The following TSPAN18 variants were observed in gnomAD, a reference collection of about 807,000 sequenced individuals.
The protein encoded by TSPAN18 is tetraspanin-18.
TSPAN18 carries 14 observed loss-of-function variants against 27.3 expected under a neutral mutation model. The ratio of observed to expected loss-of-function variants is 0.51; its 90% CI spans 0.34 to 0.80. TSPAN18 has a LOEUF of 0.80. Among genes scored for constraint, TSPAN18 ranks in the 30% least tolerant of loss-of-function variants. The probability of loss-of-function intolerance (pLI) is 0.01; values close to 1 mark genes in which losing one functional copy is unlikely to be tolerated. For missense variants in TSPAN18, 268 were observed against 323.9 expected, an observed-to-expected ratio of 0.83 and a Z score of 1.32; for synonymous variants, 143 against 136.5, an observed-to-expected ratio of 1.05 and a Z score of -0.33.
chr11:44,727,710 G>A (rs1854550212), intron 1 of TSPAN18, among the ~76,000 whole-genome samples: 2 of 152,180 alleles, frequency 1.3e-5, no homozygotes, highest in South Asian at 4.1e-4. Context: ...CAGGGACTGG[G>A]AGCGGCGATC....
intron 1 of TSPAN18, among the ~76,000 whole-genome samples, chr11:44,760,240 C>G (rs1855420931): frequency 6.6e-6 from 1 of 152,182 alleles, no homozygotes. Context: ...TGGGCTCACT[C>G]TGACAATGAA....
intron 3 of TSPAN18, among the ~76,000 whole-genome samples, chr11:44,888,200 G>A (rs1172451117): frequency 6.6e-6 from 1 of 152,134 alleles, no homozygotes; most frequent in Non-Finnish European, 1.5e-5. Context: ...CCCATCAGCC[G>A]GCAGGTGCCC....
intron 2 of TSPAN18, among the ~76,000 whole-genome samples, chr11:44,791,546 C>T (rs1230598520): frequency 6.6e-6 from 1 of 152,154 alleles, no homozygotes; most frequent in Non-Finnish European, 1.5e-5. Flanking sequence ...ATGCCACCCA[C>T]CCCGCCTCCT....
intron 2 of TSPAN18, among the ~76,000 whole-genome samples, chr11:44,804,461 A>G (rs1403761626): frequency 6.6e-6 from 1 of 152,220 alleles, no homozygotes; most frequent in East Asian, 1.9e-4. Flanking sequence ...CCCAGGATAC[A>G]GCACAGTCAG....
intron 5 of TSPAN18, among the ~76,000 whole-genome samples, chr11:44,910,781 C>G (rs1401479119): frequency 6.6e-6 from 1 of 152,162 alleles, no homozygotes; most frequent in Non-Finnish European, 1.5e-5. Flanking sequence ...ATGGTCCCTT[C>G]CCTCACAGAC....
At chr11:44,730,259 G>C (rs1322501216) in intron 1 of TSPAN18, among the ~76,000 whole-genome samples, 1 of 152,192 alleles carries the variant, frequency 6.6e-6, no homozygotes, top group Admixed American at 6.5e-5. Flanking sequence ...TCCCTGCTGG[G>C]AGCCCCATGT....
chr11:44,748,237 A>G (rs1855128682), intron 1 of TSPAN18, among the ~76,000 whole-genome samples: 4 of 152,158 alleles, frequency 2.6e-5, no homozygotes, highest in Admixed American at 2.6e-4. Flanking sequence ...GTGAAACACC[A>G]TCTTTACTAA....
chr11:44,811,125 A>AACACACACAC lies in TSPAN18; in HGVS notation c.-153+46654_-153+46663dup, dbSNP rs61153202. On this transcript the variant is annotated intron_variant, in intron 2 of 9. Transcript: ENST00000520358. Reference sequence around the variant, plus strand: ...ATCCCTAGTCAATAACTGGAGTTTTAACACACACACACACACACACACACA... The same window carrying AACACACACAC: ...ATCCCTAGTCAATAACTGGAGTTTTAACACACACACACACACACACACACACACACACACA... Among the ~76,000 whole-genome samples the AACACACACAC allele has an allele frequency of 8.9e-3, 1,275 of 142,524 alleles. 13 individuals are homozygous for AACACACACAC. The highest frequency in any genetic ancestry group is 0.018 in the African/African-American group (658 of 36,888). The allele number at this position is 142,524 out of a possible 152,430, so 93.5% of individuals were successfully genotyped here. A position where few individuals can be genotyped will look rare whatever the true frequency, so the allele number is the denominator to read the frequency against.
At chr11:44,826,464 T>G (rs1245400326) in intron 2 of TSPAN18, among the ~76,000 whole-genome samples, 1 of 152,162 alleles carries the variant, frequency 6.6e-6, no homozygotes, top group African/African-American at 2.4e-5. Flanking sequence ...TGCCTGTACA[T>G]GAAGGGTGGA....
intron 3 of TSPAN18, among the ~76,000 whole-genome samples, chr11:44,863,035 A>G (rs1488542316): frequency 1.3e-5 from 2 of 152,204 alleles, no homozygotes. Flanking sequence ...CAGAGGCCAG[A>G]TTTTTAAGGG....
intron 2 of TSPAN18, among the ~76,000 whole-genome samples, chr11:44,780,040 C>T (rs1282760730): frequency 1.3e-5 from 2 of 152,248 alleles, no homozygotes; most frequent in Non-Finnish European, 2.9e-5. Context: ...CACCTGTACA[C>T]ATTTACACAT....
chr11:44,757,980 G>A (rs1855370211), intron 1 of TSPAN18, among the ~76,000 whole-genome samples: 1 of 152,006 alleles, frequency 6.6e-6, no homozygotes, highest in Non-Finnish European at 1.5e-5. Context: ...CATGAAGTCT[G>A]GTTTGTCTAT....
intron 2 of TSPAN18, among the ~76,000 whole-genome samples, chr11:44,794,886 T>C (rs957802378): frequency 4.6e-5 from 7 of 152,186 alleles, no homozygotes; most frequent in Admixed American, 1.3e-4. Context: ...CTCAGCACAG[T>C]GCCTACTCCA....
chr11:44,870,631 T>A (rs1320824000), intron 3 of TSPAN18, among the ~76,000 whole-genome samples: 1 of 152,212 alleles, frequency 6.6e-6, no homozygotes, highest in African/African-American at 2.4e-5. Context: ...CCTGCTGGTG[T>A]CATTTGATCT....
chr11:44,872,329 A>T (rs558418326), intron 3 of TSPAN18, among the ~76,000 whole-genome samples: 1 of 152,152 alleles, frequency 6.6e-6, no homozygotes, highest in East Asian at 1.9e-4. Context: ...CCTATCTCCA[A>T]TGAAGTCACG....
intron 2 of TSPAN18, among the ~76,000 whole-genome samples, chr11:44,827,521 TG>T (rs899294857): frequency 1.3e-5 from 2 of 152,094 alleles, no homozygotes; most frequent in African/African-American, 4.8e-5. Context: ...GTAGGGAAGA[TG>T]GGGGTGTCTC....
chr11:44,762,928 C>T (rs780139671), intron 1 of TSPAN18, among the ~76,000 whole-genome samples: 12 of 152,158 alleles, frequency 7.9e-5, no homozygotes, highest in South Asian at 2.1e-4. Context: ...GTGAGGCGAA[C>T]GTGATAACCA....
chr11:44,882,627 C>CACACACACACAGAGAG (rs375349718), intron 3 of TSPAN18, among the ~76,000 whole-genome samples: 52 of 130,688 alleles, frequency 4.0e-4, no homozygotes, highest in Non-Finnish European at 5.4e-4. Flanking sequence ...CACACACACA[C>CACACACACACAGAGAG]AGAGAGAGAG....
chr11:44,876,968 G>A (rs765836542), intron 3 of TSPAN18, among the ~76,000 whole-genome samples: 1 of 152,198 alleles, frequency 6.6e-6, no homozygotes, highest in Non-Finnish European at 1.5e-5. Flanking sequence ...CAGGAGCATT[G>A]GTGCCTCCTC....
Sources: allele counts gnomAD v4.1 joint callset (sites outside exome capture counted in the v4.1 genomes callset), GRCh38; gene constraint gnomAD v4.1.1; transcripts MANE v1.5; gene names NCBI Gene and HGNC (gene_info 2026-07-23, HGNC 2026-07-21).